Variants in TMEM132B observed in about 807,000 individuals in gnomAD.
The protein encoded by TMEM132B is transmembrane protein 132B.
A neutral mutation model predicts 90.8 loss-of-function variants in TMEM132B; 18 were observed. The observed-to-expected ratio is 0.20, with a 90% CI of 0.14 to 0.29. The LOEUF is 0.29. Ranked by LOEUF, TMEM132B falls within the 10% of genes least tolerant of loss-of-function variation. The probability of loss-of-function intolerance (pLI) is 1.00; values close to 1 mark genes in which losing one functional copy is unlikely to be tolerated. For missense variants in TMEM132B, 1,096 were observed against 1,326.8 expected, an observed-to-expected ratio of 0.83 and a Z score of 2.70; for synonymous variants, 504 against 523.3, an observed-to-expected ratio of 0.96 and a Z score of 0.50.
intron 5 of TMEM132B, among the ~76,000 whole-genome samples, chr12:125,612,522 G>A (rs1885857974): frequency 8.1e-6 from 1 of 124,078 alleles, no homozygotes; most frequent in Admixed American, 7.7e-5. Context: ...ACAATTGTGT[G>A]TATTTATTTT....
chr12:125,253,792 A>T (rs1874369153), intron 1 of TMEM132B, among the ~76,000 whole-genome samples: 1 of 152,068 alleles, frequency 6.6e-6, no homozygotes, highest in African/African-American at 2.4e-5. Context: ...TATTATCCCT[A>T]TTCCAGAGCC....
intron 1 of TMEM132B, among the ~76,000 whole-genome samples, chr12:125,262,791 G>C (rs774612665): frequency 6.6e-6 from 1 of 152,230 alleles, no homozygotes; most frequent in African/African-American, 2.4e-5. Context: ...TTCAAGCAAA[G>C]TGTGTTGGCT....
chr12:125,648,779 A>G (rs1157461952), intron 6 of TMEM132B, among the ~76,000 whole-genome samples: 1 of 152,166 alleles, frequency 6.6e-6, no homozygotes, highest in African/African-American at 2.4e-5. Flanking sequence ...ATTTAAAGGA[A>G]ACTTCCCATT....
At chr12:125,429,321 T>A (rs1330909499) in intron 3 of TMEM132B, among the ~76,000 whole-genome samples, 1 of 152,084 alleles carries the variant, frequency 6.6e-6, no homozygotes, top group African/African-American at 2.4e-5. Context: ...TGCCTCAGCT[T>A]CCTAAGTCGC....
At chr12:125,218,047 C>T (rs1390866149) in intron 1 of TMEM132B, among the ~76,000 whole-genome samples, 3 of 152,150 alleles carry the variant, frequency 2.0e-5, no homozygotes, top group Non-Finnish European at 4.4e-5. Context: ...GCTTTTAATG[C>T]ATAAAGCAAG....
intron 1 of TMEM132B, among the ~76,000 whole-genome samples, chr12:125,283,017 T>A (rs1875243132): frequency 6.6e-6 from 1 of 152,162 alleles, no homozygotes; most frequent in Admixed American, 6.5e-5. Flanking sequence ...TGTTCACTCA[T>A]GGAAAGACCC....
At chr12:125,345,059 T>C (rs888889663) in intron 1 of TMEM132B, among the ~76,000 whole-genome samples, 1 of 152,104 alleles carries the variant, frequency 6.6e-6, no homozygotes, top group Admixed American at 6.5e-5. Flanking sequence ...CAGGTGGTAG[T>C]GAATTGTATC....
At chr12:125,517,193 C>T (rs952281264) in intron 3 of TMEM132B, among the ~76,000 whole-genome samples, 1 of 151,716 alleles carries the variant, frequency 6.6e-6, no homozygotes, top group Non-Finnish European at 1.5e-5. Flanking sequence ...GACAGTTTCG[C>T]ACTTTCACCC....
At chr12:125,418,578 G>A (rs900087891) in intron 3 of TMEM132B, among the ~76,000 whole-genome samples, 1 of 152,120 alleles carries the variant, frequency 6.6e-6, no homozygotes, top group Non-Finnish European at 1.5e-5. Flanking sequence ...GACCGTGCTT[G>A]CCAGCTAACA....
At chr12:125,231,499 A>AC (rs1873820499) in intron 1 of TMEM132B, among the ~76,000 whole-genome samples, 1 of 152,170 alleles carries the variant, frequency 6.6e-6, no homozygotes, top group Non-Finnish European at 1.5e-5. Flanking sequence ...ACACAGGAGT[A>AC]TTTGAGCATG....
chr12:125,420,722 A>G (rs1388122437), intron 3 of TMEM132B, among the ~76,000 whole-genome samples: 1 of 152,128 alleles, frequency 6.6e-6, no homozygotes, highest in Non-Finnish European at 1.5e-5. Context: ...TTTCTTTTCT[A>G]TCACATCATC....
chr12:125,625,282 G>A (rs756323882), intron 5 of TMEM132B, among the ~76,000 whole-genome samples: 3 of 151,782 alleles, frequency 2.0e-5, no homozygotes, highest in African/African-American at 4.8e-5. Flanking sequence ...ACAGGCGCCC[G>A]CCCCCACGCC....
intron 4 of TMEM132B, among the ~76,000 whole-genome samples, chr12:125,579,431 G>A (rs548158544): frequency 1.3e-5 from 2 of 150,646 alleles, no homozygotes; most frequent in African/African-American, 4.9e-5. Context: ...GCATGATCTC[G>A]GCTCACTGCA....
chr12:125,334,227 G>A (rs1415687661), intron 1 of TMEM132B, among the ~76,000 whole-genome samples: 2 of 152,166 alleles, frequency 1.3e-5, no homozygotes. Flanking sequence ...CACATATGCA[G>A]AATCGTCCGT....
intron 3 of TMEM132B, among the ~76,000 whole-genome samples, chr12:125,502,918 T>A (rs1882738151): frequency 6.6e-6 from 1 of 152,064 alleles, no homozygotes; most frequent in Admixed American, 6.5e-5. Context: ...CTTCTTTTTA[T>A]GTTTCCTGGC....
intron 3 of TMEM132B, among the ~76,000 whole-genome samples, chr12:125,471,204 A>G (rs957359277): frequency 6.6e-6 from 1 of 151,998 alleles, no homozygotes; most frequent in Non-Finnish European, 1.5e-5. Flanking sequence ...TGATCTCTCT[A>G]TGTTTTCAGT....
chr12:125,432,479 ATATATATGTATGTG>A (rs1375043470), intron 3 of TMEM132B, among the ~76,000 whole-genome samples: 5 of 86,618 alleles, frequency 5.8e-5, no homozygotes, highest in African/African-American at 3.2e-4. Context: ...ATGTATGTGT[ATATATATGTATGTG>A]TATATATATG....
intron 3 of TMEM132B, among the ~76,000 whole-genome samples, chr12:125,477,504 G>A (rs146077562): frequency 3.8e-4 from 56 of 148,890 alleles, no homozygotes; most frequent in Admixed American, 9.6e-4. Context: ...AAAAAATTCC[G>A]TAATTTTTTT....
Position 125,432,528 on chromosome 12 carries a change from T to TATATATATAGAGAG in TMEM132B, c.1106+16852_1106+16853insTATATATAGAGAGA, listed in dbSNP as rs1458075923. 4.6e-4 allele frequency among the ~76,000 whole-genome samples: 18 copies of TATATATATAGAGAG among 39,122 alleles called. 5 individuals carry two copies. The highest frequency in any genetic ancestry group is 2.1e-3 in the African/African-American group (17 of 8,060). 25.7% of individuals were successfully genotyped at this position (39,122 alleles called of 152,430 possible). A position where few individuals can be genotyped will look rare whatever the true frequency, so the allele number is the denominator to read the frequency against. ...GTGTGTGTGTATATATATATATATATAGAGAGAGAGAGAGAGAGAGAGAGA... is the reference window on the plus strand; with the variant it reads ...GTGTGTGTGTATATATATATATATATATATATATAGAGAGAGAGAGAGAGAGAGAGAGAGAGAGA... On this transcript the variant is annotated intron_variant, in intron 3 of 8. Coordinates refer to ENST00000682704, the MANE Select transcript of TMEM132B (RefSeq NM_001366854.1).
Sources: allele counts gnomAD v4.1 joint callset (sites outside exome capture counted in the v4.1 genomes callset), GRCh38; gene constraint gnomAD v4.1.1; transcripts MANE v1.5; gene names NCBI Gene and HGNC (gene_info 2026-07-23, HGNC 2026-07-21).